The following SPATA31H1 variants were observed in gnomAD, a reference collection of about 807,000 sequenced individuals.
The protein encoded by SPATA31H1 is SPATA31 subfamily H member 1, also known as spermatogenesis-associated protein 31H1.
At chr2:27,547,642 G>T in the SPATA31H1 span, among the ~76,000 whole-genome samples, 1 of 151,928 alleles carries the variant, frequency 6.6e-6, no homozygotes, top group South Asian at 2.1e-4. Flanking sequence ...AAAATAATAA[G>T]CCTTCTGATC....
At chr2:27,579,286 G>A in the SPATA31H1 span, 1 of 1,614,026 alleles carries the variant, frequency 6.2e-7, no homozygotes, top group African/African-American at 1.3e-5. Flanking sequence ...ACTATGGAAA[G>A]GAAGCTTTGT....
At chr2:27,581,106 G>C in the SPATA31H1 span, 2 of 1,614,166 alleles carry the variant, frequency 1.2e-6, no homozygotes, top group South Asian at 2.2e-5. Flanking sequence ...CAGAGTTCAG[G>C]CCCGAGGAAG....
At chr2:27,574,269 G>T in the SPATA31H1 span, 1 of 398,384 alleles carries the variant, frequency 2.5e-6, no homozygotes, top group Non-Finnish European at 4.4e-6. Context: ...TAAATCTATG[G>T]ATTTCAGTTC....
chr2:27,564,901 C>G, the SPATA31H1 span, among the ~76,000 whole-genome samples: 6 of 152,076 alleles, frequency 3.9e-5, no homozygotes, highest in African/African-American at 1.4e-4. Context: ...AGTTTTCCAA[C>G]TACAGAATAA....
At chr2:27,581,973 C>T in the SPATA31H1 span, 1 of 1,613,848 alleles carries the variant, frequency 6.2e-7, no homozygotes, top group Non-Finnish European at 8.5e-7. Flanking sequence ...CCATCACAGT[C>T]CCTCTGAGAG....
the SPATA31H1 span, chr2:27,566,783 T>C: frequency 2.8e-6 from 2 of 716,814 alleles, no homozygotes; most frequent in Non-Finnish European, 5.2e-6. Context: ...ATATGATTTC[T>C]TCCTCTACCA....
chr2:27,555,101 T>C, the SPATA31H1 span, among the ~76,000 whole-genome samples: 1 of 152,048 alleles, frequency 6.6e-6, no homozygotes, highest in African/African-American at 2.4e-5. Context: ...TTATAAATTA[T>C]TGTAGGATTA....
At chr2:27,543,327 A>G in the SPATA31H1 span, among the ~76,000 whole-genome samples, 5 of 152,096 alleles carry the variant, frequency 3.3e-5, no homozygotes, top group Admixed American at 2.6e-4. Flanking sequence ...TTTATTTTAA[A>G]ACAATATCTT....
At chr2:27,569,293 C>T in the SPATA31H1 span, 1 of 398,826 alleles carries the variant, frequency 2.5e-6, no homozygotes, top group Non-Finnish European at 4.4e-6. Context: ...AATCTAGGGC[C>T]ATGTTCAGAA....
At chr2:27,582,517 C>G in the SPATA31H1 span, 1 of 1,601,598 alleles carries the variant, frequency 6.2e-7, no homozygotes, top group Non-Finnish European at 8.5e-7. Flanking sequence ...AGGCCTGAAG[C>G]TACTCGATGA....
At chr2:27,548,214 C>T in the SPATA31H1 span, among the ~76,000 whole-genome samples, 1 of 151,684 alleles carries the variant, frequency 6.6e-6, no homozygotes, top group Non-Finnish European at 1.5e-5. Context: ...CGTGATCTGC[C>T]CACCTCGGCC....
chr2:27,562,358 A>T, the SPATA31H1 span, among the ~76,000 whole-genome samples: 1 of 151,898 alleles, frequency 6.6e-6, no homozygotes, highest in African/African-American at 2.4e-5. Context: ...TCTACAAAAA[A>T]TAAAAAAAAA....
At chr2:27,574,357 T>C in the SPATA31H1 span, 2 of 398,404 alleles carry the variant, frequency 5.0e-6, no homozygotes, top group Non-Finnish European at 4.4e-6. Context: ...TCGGTAGAAT[T>C]CAAACCTAGT....
chr2:27,566,634 T>C, the SPATA31H1 span: 2 of 577,730 alleles, frequency 3.5e-6, no homozygotes, highest in South Asian at 4.9e-5. Context: ...TTTTTTTTTT[T>C]CAAATTCTCC....
At chr2:27,561,709 A>AT in the SPATA31H1 span, among the ~76,000 whole-genome samples, 76 of 148,430 alleles carry the variant, frequency 5.1e-4, 1 homozygote, top group Admixed American at 2.8e-3. Context: ...TCCCATAACC[A>AT]TTTTTTTTTT....
chr2:27,558,928 G>A, the SPATA31H1 span, among the ~76,000 whole-genome samples: 1 of 55,638 alleles, frequency 1.8e-5, no homozygotes, highest in African/African-American at 8.2e-5. Context: ...GGAGGGGGAG[G>A]GAGAGGGAGA....
the SPATA31H1 span, among the ~76,000 whole-genome samples, chr2:27,549,077 A>C: frequency 6.6e-6 from 1 of 150,946 alleles, no homozygotes; most frequent in South Asian, 2.1e-4. Flanking sequence ...CGTCTCAAAA[A>C]AAAAAAAAAA....
the SPATA31H1 span, chr2:27,580,430 A>C: frequency 6.2e-7 from 1 of 1,614,164 alleles, no homozygotes. Context: ...CCTCTGATTC[A>C]AAATATCCAA....
At chr2:27,582,376 G>C in the SPATA31H1 span, 1 of 1,614,120 alleles carries the variant, frequency 6.2e-7, no homozygotes, top group Admixed American at 1.7e-5. Context: ...AGCCGACGCA[G>C]TCCCCTTAAG....
Sources: allele counts gnomAD v4.1 joint callset (sites outside exome capture counted in the v4.1 genomes callset), GRCh38; gene constraint gnomAD v4.1.1; transcripts MANE v1.5; gene names NCBI Gene and HGNC (gene_info 2026-07-23, HGNC 2026-07-21).